Variants in PRTG observed in about 807,000 individuals in gnomAD.
The protein encoded by PRTG is protogenin, also known as immunoglobulin superfamily, DCC subclass, member 5.
PRTG carries 67 observed loss-of-function variants against 122.5 expected under a neutral mutation model. The observed-to-expected ratio is 0.55, with a 90% CI of 0.45 to 0.67. The LOEUF (loss-of-function observed/expected upper bound fraction) is 0.67, where lower values mean the gene tolerates loss of function less well. PRTG is among the 30% of genes least tolerant of loss of function. PRTG has a pLI of 0.00. For synonymous variants in PRTG, 554 were observed against 501.1 expected, an observed-to-expected ratio of 1.11 and a Z score of -1.41; for missense variants, 1,435 against 1,415.4, an observed-to-expected ratio of 1.01 and a Z score of -0.22.
At chr15:55,631,280 G>A (rs954374347) in intron 15 of PRTG, among the ~76,000 whole-genome samples, 10 of 152,036 alleles carry the variant, frequency 6.6e-5, no homozygotes, top group Non-Finnish European at 1.5e-4. Flanking sequence ...TAGCTGAAAG[G>A]AAGAACATTT....
chr15:55,628,553 C>T (rs752830509), intron 16 of PRTG, among the ~76,000 whole-genome samples: 3 of 152,146 alleles, frequency 2.0e-5, no homozygotes, highest in Admixed American at 6.5e-5. Context: ...GCTGATGTGG[C>T]TCCTCTGTCT....
At position 55,677,992 on chromosome 15, in the gene PRTG, T is replaced by C. The variant is rs373226828; in HGVS notation, c.1186A>G (p.Met396Val). The change falls in exon 8 of 20, where the codon ATG becomes GTG. Residue 396 changes from methionine (M) to valine (V), a missense_variant. Met to Val is a conservative substitution (Grantham distance 21, BLOSUM62 1). Coordinates refer to ENST00000389286, the MANE Select transcript of PRTG (RefSeq NM_173814.6). ...ATAGATCCTTGGCTATTCTCAGCCA[T>C]GCACTGATAAATAGCATCATCTTCA... ...IPEDDAIYQC[M>V]AENSQGSILS... 1.4e-5 allele frequency: 22 copies of C among 1,604,548 alleles called. No individual in the cohort carries two copies. The highest frequency in any genetic ancestry group is 1.9e-5 in the Non-Finnish European group (22 of 1,171,858).
chr15:55,662,928 T>C (rs1243354568), intron 11 of PRTG, among the ~76,000 whole-genome samples: 1 of 152,178 alleles, frequency 6.6e-6, no homozygotes, highest in Non-Finnish European at 1.5e-5. Flanking sequence ...TCTTCTGAAA[T>C]CTAAACCCAT....
intron 2 of PRTG, among the ~76,000 whole-genome samples, chr15:55,703,442 G>C (rs578114930): frequency 6.6e-6 from 1 of 152,132 alleles, no homozygotes; most frequent in African/African-American, 2.4e-5. Flanking sequence ...GGCTTGACAG[G>C]CAACTAGGGT....
intron 2 of PRTG, among the ~76,000 whole-genome samples, chr15:55,738,039 C>CAT (rs2031485896): frequency 4.0e-5 from 5 of 123,494 alleles, no homozygotes; most frequent in Non-Finnish European, 6.9e-5. Context: ...CACACACACA[C>CAT]ACACACACAC....
chr15:55,679,559 G>T, intron 6 of PRTG, 114 bp from the exon 7 acceptor site: 1 of 732,166 alleles, frequency 1.4e-6, no homozygotes. Context: ...TGCCTGACAT[G>T]CTGAGCTCCT....
chr15:55,669,801 G>C (rs2059458307), intron 11 of PRTG, among the ~76,000 whole-genome samples: 3 of 152,192 alleles, frequency 2.0e-5, no homozygotes, highest in Admixed American at 2.0e-4. Flanking sequence ...CTCTACAGCT[G>C]CAAGAGGTCT....
intron 2 of PRTG, among the ~76,000 whole-genome samples, chr15:55,700,570 C>T (rs182367773): frequency 3.9e-4 from 59 of 152,108 alleles, no homozygotes; most frequent in Middle Eastern, 3.4e-3. Context: ...TCACTTGAAC[C>T]TAAGAGTTGG....
chr15:55,649,499 T>C (rs1409587594), intron 11 of PRTG, among the ~76,000 whole-genome samples: 4 of 151,918 alleles, frequency 2.6e-5, no homozygotes, highest in Admixed American at 6.6e-5. Context: ...AAAATATCAA[T>C]AGTAGTGGGG....
intron 2 of PRTG, among the ~76,000 whole-genome samples, chr15:55,727,060 A>C (rs2031061549): frequency 6.6e-6 from 1 of 152,098 alleles, no homozygotes; most frequent in Admixed American, 6.5e-5. Context: ...TAAAAAGAAG[A>C]ATAATCTCAA....
At chr15:55,726,193 G>A (rs1032731203) in intron 2 of PRTG, among the ~76,000 whole-genome samples, 6 of 152,084 alleles carry the variant, frequency 3.9e-5, no homozygotes. Flanking sequence ...CAACCGCCCA[G>A]CCTCCCGAAG....
Position 55,680,567 on chromosome 15 carries a change from T to C in PRTG, c.738A>G (p.Thr246=). 1 of 1,601,822 alleles carries C rather than the reference T, an allele frequency of 6.2e-7. No individual in the cohort carries two copies. Among genetic ancestry groups the C allele is most frequent in the Non-Finnish European group, 8.5e-7 (1 of 1,173,454 alleles). ...CCAAAACTACAGTCTGATGAAGAGA[T>C]GTTGTTATGTTCTGTGGACCTGCTA... ...TIIAGPQNIT[T]SLHQTVVLEC... is the part of the protein sequence containing the mutation. Residue 246 remains threonine (T), a synonymous_variant, in exon 5 of 20, where the codon ACA becomes ACG. Coordinates refer to ENST00000389286, the MANE Select transcript of PRTG (RefSeq NM_173814.6).
intron 17 of PRTG, among the ~76,000 whole-genome samples, chr15:55,625,549 T>G (rs1007072052): frequency 1.1e-4 from 16 of 151,920 alleles, no homozygotes; most frequent in African/African-American, 3.6e-4. Flanking sequence ...ACTCCTGAGC[T>G]CAAATGATCT....
chr15:55,688,222 C>T (rs1184302335), intron 2 of PRTG, among the ~76,000 whole-genome samples: 2 of 152,154 alleles, frequency 1.3e-5, no homozygotes, highest in Non-Finnish European at 2.9e-5. Flanking sequence ...ATCTAATCTG[C>T]CTTCTTCCCT....
intron 2 of PRTG, among the ~76,000 whole-genome samples, chr15:55,708,892 C>T (rs1444363950): frequency 6.6e-6 from 1 of 151,858 alleles, no homozygotes; most frequent in Non-Finnish European, 1.5e-5. Context: ...TGCCTGTAAT[C>T]CCAGCACTTT....
Position 55,675,566 on chromosome 15 carries a change from C to A in PRTG, c.1499G>T (p.Gly500Val), listed in dbSNP as rs2059498040. 5 of 1,612,332 alleles carry A rather than the reference C, an allele frequency of 3.1e-6. No individual in the cohort carries two copies. Among genetic ancestry groups the A allele is most frequent in the Non-Finnish European group, 4.2e-6 (5 of 1,178,758 alleles). ...TFYIVAYMPM[G>V]ASQMSDHVTQ... Reference sequence around the variant, plus strand: ...CACATGGTCAGACATCTGGCTGGCTCCCATTGGCATATATGCTACAATGTA... The same window carrying A: ...CACATGGTCAGACATCTGGCTGGCTACCATTGGCATATATGCTACAATGTA... The change falls in exon 9 of 20, where the codon GGA (glycine) becomes GTA (valine). Residue 500 changes from glycine to valine, a missense_variant. Physicochemically the swap from Gly to Val is moderately radical, Grantham distance 109 (BLOSUM62 -3). Transcript: ENST00000389286.
chr15:55,717,272 C>A (rs765163725), intron 2 of PRTG, among the ~76,000 whole-genome samples: 1 of 152,084 alleles, frequency 6.6e-6, no homozygotes, highest in African/African-American at 2.4e-5. Context: ...TACAATGAAC[C>A]ATTTCCTACT....
chr15:55,620,309 T>C (rs1402455722), intron 19 of PRTG, 43 bp from the exon 20 acceptor site: 2 of 1,596,858 alleles, frequency 1.3e-6, no homozygotes, highest in Admixed American at 1.7e-5. Context: ...ACCAGACTGA[T>C]CGAATCCACG....
chr15:55,664,228 G>GC (rs57638811), intron 11 of PRTG, among the ~76,000 whole-genome samples: 2,367 of 151,976 alleles, frequency 0.016, 62 homozygotes, highest in African/African-American at 0.054. Context: ...TGCAACCTCC[G>GC]CCCCCCAGGT....
Sources: gnomAD v4.1 joint callset for allele counts (sites outside exome capture counted in the v4.1 genomes callset) on GRCh38, gnomAD v4.1.1 for gene constraint, MANE v1.5 for transcripts, NCBI Gene and HGNC (gene_info 2026-07-23, HGNC 2026-07-21) for gene names.